The following PRKG1 variants were observed in gnomAD, a reference collection of about 807,000 sequenced individuals.
PRKG1 encodes the protein cGMP-dependent protein kinase 1.
Under a neutral mutation model 88.1 loss-of-function variants are expected in PRKG1, and 35 were observed. The observed-to-expected ratio is 0.40, with a 90% CI of 0.30 to 0.53. The LOEUF (loss-of-function observed/expected upper bound fraction) is 0.53, where lower values mean the gene tolerates loss of function less well. PRKG1 is among the 20% of genes least tolerant of loss of function. The probability of loss-of-function intolerance (pLI) is 0.59; values close to 1 mark genes in which losing one functional copy is unlikely to be tolerated. For missense variants in PRKG1, 540 were observed against 839.8 expected, an observed-to-expected ratio of 0.64 and a Z score of 4.41; for synonymous variants, 303 against 292.5, an observed-to-expected ratio of 1.04 and a Z score of -0.37.
chr10:51,864,014 A>G (rs1331579140), intron 4 of PRKG1, among the ~76,000 whole-genome samples: 1 of 152,166 alleles, frequency 6.6e-6, no homozygotes, highest in African/African-American at 2.4e-5. Flanking sequence ...TCCTGGATGC[A>G]ATGTCAGCAT....
intron 2 of PRKG1, among the ~76,000 whole-genome samples, chr10:51,214,391 C>A (rs1838315332): frequency 6.6e-6 from 1 of 152,186 alleles, no homozygotes; most frequent in Non-Finnish European, 1.5e-5. Flanking sequence ...GGCATGGAGT[C>A]AGCAGTATGA....
chr10:51,946,070 C>A (rs867653988), intron 5 of PRKG1, among the ~76,000 whole-genome samples: 2 of 151,988 alleles, frequency 1.3e-5, no homozygotes, highest in Non-Finnish European at 2.9e-5. Context: ...TGGTTCCATT[C>A]TCCCCGTCAA....
intron 10 of PRKG1, 86 bp downstream of exon 10, chr10:52,251,752 T>A: frequency 9.0e-7 from 1 of 1,114,374 alleles, no homozygotes; most frequent in Non-Finnish European, 1.3e-6. Context: ...TTCTTTTCTC[T>A]TGTTTTGTCT....
chr10:51,803,417 G>T (rs1839225205), intron 3 of PRKG1, among the ~76,000 whole-genome samples: 1 of 152,060 alleles, frequency 6.6e-6, no homozygotes, highest in South Asian at 2.1e-4. Flanking sequence ...ATTCAAAGAT[G>T]GGTTTACTCT....
intron 5 of PRKG1, among the ~76,000 whole-genome samples, chr10:51,919,987 A>G (rs1842428681): frequency 6.6e-6 from 1 of 152,186 alleles, no homozygotes; most frequent in South Asian, 2.1e-4. Flanking sequence ...GAGTGACCCA[A>G]TGAATGAAAC....
intron 17 of PRKG1, among the ~76,000 whole-genome samples, chr10:52,290,521 G>T (rs532920832): frequency 5.2e-4 from 79 of 152,186 alleles, no homozygotes; most frequent in Non-Finnish European, 9.1e-4. Context: ...CTATTCATTT[G>T]ATTCAAGTTT....
chr10:51,948,539 T>C (rs1038720116), intron 5 of PRKG1, among the ~76,000 whole-genome samples: 9 of 110,676 alleles, frequency 8.1e-5, no homozygotes, highest in African/African-American at 1.7e-4. Context: ...TGTGTGTGTG[T>C]GTGTGTGTGC....
At chr10:51,078,286 T>G (rs901784482) in intron 1 of PRKG1, among the ~76,000 whole-genome samples, 15 of 152,056 alleles carry the variant, frequency 9.9e-5, no homozygotes, top group African/African-American at 3.4e-4. Context: ...TGGCACGATC[T>G]TGGCTCACTG....
chr10:51,868,750 T>C (rs1841082346), intron 4 of PRKG1, among the ~76,000 whole-genome samples: 1 of 152,186 alleles, frequency 6.6e-6, no homozygotes, highest in African/African-American at 2.4e-5. Flanking sequence ...GCATAAATAA[T>C]ATGGACTTCC....
At chr10:50,992,507 G>A (rs1169778954) in intron 1 of PRKG1, among the ~76,000 whole-genome samples, 1 of 152,122 alleles carries the variant, frequency 6.6e-6, no homozygotes, top group African/African-American at 2.4e-5. Flanking sequence ...TTTCCCCTGA[G>A]TCCCTCCCTG....
intron 3 of PRKG1, among the ~76,000 whole-genome samples, chr10:51,742,977 C>T (rs1256738507): frequency 3.9e-5 from 6 of 151,950 alleles, no homozygotes; most frequent in Non-Finnish European, 8.8e-5. Context: ...TAGCAAACCA[C>T]CATGGCACAT....
At chr10:52,266,733 A>G (rs1328822179) in intron 10 of PRKG1, among the ~76,000 whole-genome samples, 1 of 152,014 alleles carries the variant, frequency 6.6e-6, no homozygotes, top group East Asian at 1.9e-4. Flanking sequence ...AGATGAGGAA[A>G]TGAAAGCAGA....
chr10:51,699,017 A>G (rs2132409169), intron 3 of PRKG1: 1 of 1,614,248 alleles, frequency 6.2e-7, no homozygotes, highest in Middle Eastern at 1.6e-4. Context: ...GATTCTCATC[A>G]CTACTTGTGC....
intron 9 of PRKG1, among the ~76,000 whole-genome samples, chr10:52,245,333 T>C (rs540587273): frequency 1.3e-5 from 2 of 149,536 alleles, no homozygotes; most frequent in Admixed American, 1.3e-4. Flanking sequence ...GGATTCTGAA[T>C]TGATTTTTCC....
chr10:51,880,302 A>G (rs915629971), intron 4 of PRKG1, among the ~76,000 whole-genome samples: 2 of 152,078 alleles, frequency 1.3e-5, no homozygotes, highest in Non-Finnish European at 2.9e-5. Context: ...TGAAACTTAC[A>G]TTATGTAATT....
At chr10:51,544,227 C>G (rs1842389767) in intron 3 of PRKG1, among the ~76,000 whole-genome samples, 1 of 138,350 alleles carries the variant, frequency 7.2e-6, no homozygotes, top group African/African-American at 2.6e-5. Context: ...CAAAACAGGC[C>G]CCAGTGTGTG....
At chr10:51,952,779 G>T (rs575496117) in intron 5 of PRKG1, among the ~76,000 whole-genome samples, 3 of 152,108 alleles carry the variant, frequency 2.0e-5, no homozygotes, top group Admixed American at 2.0e-4. Context: ...AGCCTTATTG[G>T]GATTCATTTG....
intron 3 of PRKG1, among the ~76,000 whole-genome samples, chr10:51,592,095 C>T (rs964513812): frequency 2.6e-5 from 4 of 152,144 alleles, no homozygotes; most frequent in Non-Finnish European, 4.4e-5. Context: ...TTTAGCTGCA[C>T]GCTCTGGGGA....
intron 3 of PRKG1, among the ~76,000 whole-genome samples, chr10:51,474,569 T>G (rs1407662841): frequency 6.6e-6 from 1 of 152,008 alleles, no homozygotes; most frequent in Non-Finnish European, 1.5e-5. Flanking sequence ...CCCTTATGGA[T>G]GTTTCATGAG....
Sources: gnomAD v4.1 joint callset for allele counts (sites outside exome capture counted in the v4.1 genomes callset) on GRCh38, gnomAD v4.1.1 for gene constraint, MANE v1.5 for transcripts, NCBI Gene and HGNC (gene_info 2026-07-23, HGNC 2026-07-21) for gene names.